The following PEBP4 variants were observed in gnomAD, a reference collection of about 807,000 sequenced individuals.
The protein encoded by PEBP4 is phosphatidylethanolamine-binding protein 4.
PEBP4 carries 22 observed loss-of-function variants against 23.9 expected under a neutral mutation model. The observed-to-expected ratio is 0.92, with a 90% confidence interval of 0.66 to 1.31. The LOEUF (loss-of-function observed/expected upper bound fraction) is 1.31, where lower values mean the gene tolerates loss of function less well. PEBP4 is among the 40% of genes most tolerant of loss of function. The pLI is 0.00. For missense variants in PEBP4, 324 were observed against 281.7 expected, an observed-to-expected ratio of 1.15 and a Z score of -1.07; for synonymous variants, 112 against 99.3, an observed-to-expected ratio of 1.13 and a Z score of -0.76.
At chr8:22,753,696 G>A (rs1805315250) in intron 4 of PEBP4, among the ~76,000 whole-genome samples, 1 of 152,212 alleles carries the variant, frequency 6.6e-6, no homozygotes, top group Non-Finnish European at 1.5e-5. Context: ...TCCTTGTGGA[G>A]GAGAGGGGAA....
At chr8:22,723,269 C>G (rs1020880987) in intron 6 of PEBP4, among the ~76,000 whole-genome samples, 1 of 152,088 alleles carries the variant, frequency 6.6e-6, no homozygotes. Context: ...CTCTGCTGGT[C>G]CCTCAGGCCA....
In PEBP4 at chr8:22,866,927, G is replaced by T. The variant is rs530053603; in HGVS notation, c.259-49192C>A. On this transcript the variant is annotated intron_variant, in intron 3 of 6. Transcript: ENST00000256404. ...GGAGCTAGTCCGGCTGGGAGATGGG[G>T]AAGGGGACCCCAGGAAGGAGAACTT... Among the ~76,000 whole-genome samples the T allele has an allele frequency of 8.0e-4, 122 of 152,326 alleles. 1 individual carries two copies. The highest frequency in any genetic ancestry group is 2.8e-3 in the African/African-American group (115 of 41,576).
Position 22,815,642 on chromosome 8 carries a change from T to C in PEBP4, c.357+1995A>G, listed in dbSNP as rs559771148. Among the ~76,000 whole-genome samples, 3 of 152,292 alleles carry C rather than the reference T, an allele frequency of 2.0e-5. No homozygotes were observed. In the East Asian group the frequency reaches 5.8e-4, roughly 29 times the overall value. The stretch of plus-strand genomic sequence containing the variant: ...TGCAAATGTGACGGAAACCCGCGCC[T>C]CCTCCGGCCTGAGCGGGAAGGCCGA... On this transcript the variant is annotated intron_variant, in intron 4 of 6. Transcript: ENST00000256404.
At chr8:22,722,227 C>A (rs1191170044) in intron 6 of PEBP4, among the ~76,000 whole-genome samples, 2 of 152,198 alleles carry the variant, frequency 1.3e-5, no homozygotes, top group Non-Finnish European at 2.9e-5. Context: ...GCTCCCTCTT[C>A]CTTCACTCAA....
At chr8:22,835,309 G>C (rs1807179032) in intron 3 of PEBP4, among the ~76,000 whole-genome samples, 1 of 152,182 alleles carries the variant, frequency 6.6e-6, no homozygotes, top group East Asian at 1.9e-4. Flanking sequence ...TTGTTATTGT[G>C]AACAAAAGGC....
In PEBP4 at chr8:22,816,795, C is replaced by T. The variant is rs142488348; in HGVS notation, c.357+842G>A. Among the ~76,000 whole-genome samples, 821 of 152,278 alleles carry T rather than the reference C, an allele frequency of 5.4e-3. 6 individuals are homozygous for T. Among genetic ancestry groups the T allele is most frequent in the African/African-American group, 0.018 (764 of 41,550 alleles). ...TCTGCAGGTGTTCTAGGCACAGATTCGTGACTGTTTGAGGCTAGTGTGGAC... is the reference window on the plus strand; with the variant it reads ...TCTGCAGGTGTTCTAGGCACAGATTTGTGACTGTTTGAGGCTAGTGTGGAC... On this transcript the variant is annotated intron_variant, in intron 4 of 6. Coordinates refer to ENST00000256404, the MANE Select transcript of PEBP4 (RefSeq NM_144962.3).
chr8:22,847,482 G>A (rs937861155), intron 3 of PEBP4, among the ~76,000 whole-genome samples: 2 of 152,170 alleles, frequency 1.3e-5, no homozygotes, highest in African/African-American at 2.4e-5. Flanking sequence ...CAAGGGACAG[G>A]AGATCCTGGT....
At chr8:22,769,837 AAAAAG>A (rs1480783793) in intron 4 of PEBP4, among the ~76,000 whole-genome samples, 1 of 152,216 alleles carries the variant, frequency 6.6e-6, no homozygotes, top group Non-Finnish European at 1.5e-5. Flanking sequence ...ACCAAAGAGA[AAAAAG>A]AAAAGAAAGC....
In PEBP4 at chr8:22,775,278, G is replaced by A. The variant is rs140972536; in HGVS notation, c.357+42359C>T. 0.014 allele frequency among the ~76,000 whole-genome samples: 2,162 copies of A among 152,306 alleles called. 47 individuals carry two copies. Among genetic ancestry groups the A allele is most frequent in the African/African-American group, 0.049 (2,017 of 41,554 alleles). ...TCTTTCAGGGACCCGGAAGCCCCAAGCATCTGGCAAGGAGGGTTCCTGAGG... is the reference window on the plus strand; with the variant it reads ...TCTTTCAGGGACCCGGAAGCCCCAAACATCTGGCAAGGAGGGTTCCTGAGG... On this transcript the variant is annotated intron_variant, in intron 4 of 6. Transcript: ENST00000256404. This position sits in a 1 kb window ranked among gnomAD's most constrained non-coding sequence, Gnocchi z 4.8.
intron 4 of PEBP4, among the ~76,000 whole-genome samples, chr8:22,741,899 G>A (rs957636636): frequency 5.9e-5 from 9 of 152,182 alleles, no homozygotes; most frequent in African/African-American, 1.9e-4. Flanking sequence ...GTGACAGTGC[G>A]CAGGGACACG....
intron 4 of PEBP4, among the ~76,000 whole-genome samples, chr8:22,804,626 G>A (rs1414190772): frequency 6.6e-6 from 1 of 151,996 alleles, no homozygotes; most frequent in African/African-American, 2.4e-5. Context: ...CTTTACACCC[G>A]TTGAACAGCA....
chr8:22,803,410 G>A (rs1806430012), intron 4 of PEBP4, among the ~76,000 whole-genome samples: 1 of 152,138 alleles, frequency 6.6e-6, no homozygotes, highest in African/African-American at 2.4e-5. Context: ...GCTCACACCT[G>A]TAATCCCAGC....
intron 3 of PEBP4, among the ~76,000 whole-genome samples, chr8:22,857,521 C>A (rs1230162467): frequency 6.6e-5 from 10 of 152,164 alleles, no homozygotes; most frequent in Admixed American, 4.6e-4. Context: ...AACAGCAGAA[C>A]TGGAATTGGA....
At chr8:22,756,226 C>T (rs558518936) in intron 4 of PEBP4, among the ~76,000 whole-genome samples, 8 of 152,258 alleles carry the variant, frequency 5.3e-5, no homozygotes, top group Non-Finnish European at 8.8e-5. Context: ...GAACAGCTGG[C>T]GCCTCCTTCT....
intron 3 of PEBP4, chr8:22,896,125 CT>C (rs1808585241): frequency 6.6e-6 from 1 of 152,200 alleles, no homozygotes; most frequent in African/African-American, 2.4e-5. Flanking sequence ...CCACTGGAAC[CT>C]AGAATGATGT....
intron 4 of PEBP4, among the ~76,000 whole-genome samples, chr8:22,792,530 T>C (rs983664189): frequency 7.2e-5 from 11 of 152,176 alleles, no homozygotes; most frequent in Non-Finnish European, 1.3e-4. Flanking sequence ...CCATAGAGCC[T>C]TTCCTGCTCA....
At chr8:22,822,662 A>G (rs1027952381) in intron 3 of PEBP4, among the ~76,000 whole-genome samples, 3 of 152,142 alleles carry the variant, frequency 2.0e-5, no homozygotes, top group Admixed American at 6.5e-5. Flanking sequence ...CTTTCTACAT[A>G]TTAATAATAG....
intron 4 of PEBP4, chr8:22,756,850 TC>T (rs1805394018): frequency 6.6e-6 from 1 of 151,908 alleles, no homozygotes; most frequent in African/African-American, 2.4e-5. Context: ...GTACCTGACC[TC>T]CCTCAGTCTC....
At chr8:22,796,207 A>C (rs1422625620) in intron 4 of PEBP4, among the ~76,000 whole-genome samples, 2 of 151,416 alleles carry the variant, frequency 1.3e-5, no homozygotes, top group Admixed American at 6.6e-5. Flanking sequence ...CAAATATCAG[A>C]CTCTTGAACC....
Sources: gnomAD v4.1 joint callset for allele counts (sites outside exome capture counted in the v4.1 genomes callset) on GRCh38, gnomAD v4.1.1 for gene constraint, Gnocchi (gnomAD v3.1) non-coding constraint, MANE v1.5 for transcripts, NCBI Gene and HGNC (gene_info 2026-07-23, HGNC 2026-07-21) for gene names.